TMEFF2: variants seen among roughly 807,000 people sequenced by gnomAD.
The protein encoded by TMEFF2 is tomoregulin-2.
Under a neutral mutation model 53.8 loss-of-function variants are expected in TMEFF2, and 28 were observed. The observed-to-expected ratio is 0.52, with a 90% CI of 0.39 to 0.71. TMEFF2 has a LOEUF of 0.71. Among genes scored for constraint, TMEFF2 ranks in the 30% least tolerant of loss-of-function variants. The pLI, the probability that TMEFF2 is intolerant of heterozygous loss-of-function variation, is 0.00. For missense variants in TMEFF2, 353 were observed against 455.2 expected (o/e 0.78, Z 2.04); for synonymous variants, 162 against 166.3 (o/e 0.97, Z 0.20).
At chr2:192,027,471 A>G (rs748065838) in intron 5 of TMEFF2, among the ~76,000 whole-genome samples, 5 of 152,226 alleles carry the variant, frequency 3.3e-5, no homozygotes, top group Non-Finnish European at 5.9e-5. Flanking sequence ...ATGAGTAACT[A>G]TATAGAGAGT....
chr2:192,109,067 A>G lies in TMEFF2; in HGVS notation c.440-51292T>C, dbSNP rs566394694. ...AATGGGTAGTGTTTCTGTTTAGTGTAGTAAAAAAGTTCTGGAAATAAGTAG... is the reference window on the plus strand; with the variant it reads ...AATGGGTAGTGTTTCTGTTTAGTGTGGTAAAAAAGTTCTGGAAATAAGTAG... On this transcript the variant is annotated intron_variant, in intron 4 of 9. Coordinates refer to ENST00000272771, the MANE Select transcript of TMEFF2 (RefSeq NM_016192.4). 2.6e-5 allele frequency among the ~76,000 whole-genome samples: 4 copies of G among 152,142 alleles called. No homozygotes were observed. In the East Asian group the frequency reaches 7.7e-4, roughly 29 times the overall value.
intron 4 of TMEFF2, among the ~76,000 whole-genome samples, chr2:192,144,439 C>T (rs1430760508): frequency 3.3e-5 from 5 of 152,078 alleles, no homozygotes; most frequent in Non-Finnish European, 2.9e-5. Flanking sequence ...CTAAGTATCA[C>T]GCTCTATTTG....
intron 5 of TMEFF2, among the ~76,000 whole-genome samples, chr2:192,041,938 G>C (rs114096092): frequency 6.6e-6 from 1 of 152,024 alleles, no homozygotes; most frequent in Non-Finnish European, 1.5e-5. Context: ...GGCCAGGTGC[G>C]GTGGCTCATG....
At position 191,953,727 on chromosome 2, in the gene TMEFF2, C is replaced by T. The variant is rs1349007781; in HGVS notation, c.980G>A (p.Gly327Glu). The change falls in exon 9 of 10, where the codon GGA becomes GAA. Residue 327 changes from glycine (G) to glutamate (E), a missense_variant. Physicochemically the swap from Gly to Glu is moderately conservative, Grantham distance 98 (BLOSUM62 -2). Transcript: ENST00000272771. ...ACAGATGACAGCAATCTGAATTGTT[C>T]CAATCACAGCTGCGATTAAGACATA... is the stretch of plus-strand genomic sequence containing the variant. ...FQYVLIAAVI[G>E]TIQIAVICVV... The T allele has an allele frequency of 6.2e-7, 1 of 1,613,984 alleles. No individual in the cohort carries two copies. The highest frequency in any genetic ancestry group is 1.3e-5 in the African/African-American group (1 of 74,910).
At chr2:192,017,076 G>T (rs1468473799) in intron 5 of TMEFF2, among the ~76,000 whole-genome samples, 1 of 152,162 alleles carries the variant, frequency 6.6e-6, no homozygotes, top group East Asian at 1.9e-4. Context: ...GCACAGAAGT[G>T]GGAGACAAAT....
chr2:192,097,172 G>A (rs576155295), intron 4 of TMEFF2, among the ~76,000 whole-genome samples: 17 of 152,258 alleles, frequency 1.1e-4, no homozygotes, highest in African/African-American at 1.9e-4. Flanking sequence ...AAAATTAAGC[G>A]TGCACTTCTA....
At chr2:191,974,874 A>G (rs756860965) in intron 7 of TMEFF2, among the ~76,000 whole-genome samples, 5 of 152,114 alleles carry the variant, frequency 3.3e-5, no homozygotes, top group Non-Finnish European at 5.9e-5. Flanking sequence ...GATACCATCA[A>G]TTGGAAAGAA....
chr2:192,001,879 C>T (rs901273655), intron 5 of TMEFF2, among the ~76,000 whole-genome samples: 3 of 152,082 alleles, frequency 2.0e-5, no homozygotes, highest in African/African-American at 7.2e-5. Flanking sequence ...TGAAAACAGA[C>T]TAATACAGAC....
intron 5 of TMEFF2, among the ~76,000 whole-genome samples, chr2:192,053,972 A>G (rs1687837320): frequency 1.3e-5 from 2 of 152,164 alleles, no homozygotes; most frequent in South Asian, 4.1e-4. Flanking sequence ...ATTTCAGCAC[A>G]ATTCCTTATT....
chr2:192,171,834 C>A (rs1303384307), intron 4 of TMEFF2, among the ~76,000 whole-genome samples: 1 of 152,032 alleles, frequency 6.6e-6, no homozygotes, highest in Non-Finnish European at 1.5e-5. Flanking sequence ...ATATGACAAT[C>A]TGTGTTTTTC....
intron 4 of TMEFF2, among the ~76,000 whole-genome samples, chr2:192,097,867 G>A (rs541282102): frequency 2.6e-5 from 4 of 152,226 alleles, no homozygotes; most frequent in Non-Finnish European, 2.9e-5. Context: ...GGCACAATAC[G>A]TATAATATCA....
intron 4 of TMEFF2, among the ~76,000 whole-genome samples, chr2:192,122,697 G>T (rs149281774): frequency 1.2e-4 from 18 of 152,054 alleles, no homozygotes; most frequent in African/African-American, 3.9e-4. Flanking sequence ...GTAATTAGAA[G>T]ATTACCTTTA....
chr2:192,085,679 T>C (rs1348627465), intron 4 of TMEFF2, among the ~76,000 whole-genome samples: 1 of 147,980 alleles, frequency 6.8e-6, no homozygotes, highest in Admixed American at 6.8e-5. Context: ...TCCATATCTA[T>C]GGAGATAGAA....
intron 5 of TMEFF2, among the ~76,000 whole-genome samples, chr2:192,006,394 C>T (rs867907853): frequency 1.3e-5 from 2 of 152,054 alleles, no homozygotes; most frequent in African/African-American, 2.4e-5. Context: ...TTCCAAAAAA[C>T]GGAATCACAT....
At chr2:192,056,780 C>A (rs1687921053) in intron 5 of TMEFF2, among the ~76,000 whole-genome samples, 1 of 151,946 alleles carries the variant, frequency 6.6e-6, no homozygotes, top group Non-Finnish European at 1.5e-5. Flanking sequence ...GGGGGTGAAG[C>A]CTTCATGAAT....
intron 5 of TMEFF2, among the ~76,000 whole-genome samples, chr2:192,055,162 C>T (rs538059707): frequency 9.2e-5 from 14 of 152,018 alleles, no homozygotes; most frequent in African/African-American, 2.2e-4. Flanking sequence ...ACGTTAGAAA[C>T]GAAATATTTT....
At chr2:192,092,616 T>C (rs1374614925) in intron 4 of TMEFF2, among the ~76,000 whole-genome samples, 1 of 152,150 alleles carries the variant, frequency 6.6e-6, no homozygotes, top group Non-Finnish European at 1.5e-5. Flanking sequence ...TATGTTATCT[T>C]ACATGGCAAA....
At chr2:192,150,450 T>A (rs1479873838) in intron 4 of TMEFF2, among the ~76,000 whole-genome samples, 2 of 152,006 alleles carry the variant, frequency 1.3e-5, no homozygotes, top group Middle Eastern at 3.4e-3. Context: ...CTTTTTACAA[T>A]GTTAAGAAAC....
At chr2:192,054,805 C>A (rs2105900226) in intron 5 of TMEFF2, among the ~76,000 whole-genome samples, 1 of 152,140 alleles carries the variant, frequency 6.6e-6, no homozygotes, top group Admixed American at 6.5e-5. Context: ...TTGGTCCTGC[C>A]ACTTTAACAC....
Sources: allele counts gnomAD v4.1 joint callset (sites outside exome capture counted in the v4.1 genomes callset), GRCh38; gene constraint gnomAD v4.1.1; transcripts MANE v1.5; gene names NCBI Gene and HGNC (gene_info 2026-07-23, HGNC 2026-07-21).